C20orf203: variants seen among roughly 807,000 people sequenced by gnomAD.
The protein encoded by C20orf203 is uncharacterized protein C20orf203.
In C20orf203, 16 loss-of-function variants were observed where a neutral mutation model predicts 15.9. The ratio of observed to expected loss-of-function variants is 1.01; its 90% CI spans 0.68 to 1.53. The LOEUF (loss-of-function observed/expected upper bound fraction) is 1.53. Among genes scored for constraint, C20orf203 ranks in the 40% most tolerant of loss-of-function variants. The pLI, the probability that C20orf203 is intolerant of heterozygous loss-of-function variation, is 0.00. For missense variants in C20orf203, 263 were observed against 247.5 expected (o/e 1.06, Z -0.42); for synonymous variants, 98 against 97.2 (o/e 1.01, Z -0.05).
chr20:32,648,379 C>G (rs181246389), intron 4 of C20orf203, among the ~76,000 whole-genome samples: 4 of 150,078 alleles, frequency 2.7e-5, no homozygotes, highest in Non-Finnish European at 4.4e-5. Context: ...CTCTCTGTCT[C>G]TTGCCCCTGA....
At chr20:32,666,454 G>A (rs1600941684) in intron 1 of C20orf203, among the ~76,000 whole-genome samples, 2 of 147,178 alleles carry the variant, frequency 1.4e-5, no homozygotes, top group African/African-American at 5.0e-5. Flanking sequence ...GCAACAAAGT[G>A]AGACTCTGTC....
intron 1 of C20orf203, among the ~76,000 whole-genome samples, chr20:32,664,001 T>C (rs1293014148): frequency 6.6e-6 from 1 of 152,242 alleles, no homozygotes; most frequent in Non-Finnish European, 1.5e-5. Context: ...CCATTTTCTT[T>C]GTTCCTTGTT....
At chr20:32,636,213 C>T (rs7268275) in intron 5 of C20orf203, among the ~76,000 whole-genome samples, 37,586 of 152,160 alleles carry the variant, frequency 0.25, 5,464 homozygotes, top group Middle Eastern at 0.35. Context: ...GGATTTATTT[C>T]TATTTGTTTC....
chr20:32,642,999 CA>C (rs1012049302), intron 4 of C20orf203, among the ~76,000 whole-genome samples: 2 of 152,184 alleles, frequency 1.3e-5, no homozygotes, highest in African/African-American at 4.8e-5. Flanking sequence ...CAGGAGGGCT[CA>C]CCCACAGGGC....
At chr20:32,673,198 T>C (rs961519637) in intron 1 of C20orf203, among the ~76,000 whole-genome samples, 11 of 152,038 alleles carry the variant, frequency 7.2e-5, no homozygotes, top group Admixed American at 6.5e-4. Context: ...CCAGGGCTGG[T>C]ACAAACGGCA....
Position 32,650,691 on chromosome 20 carries a change from C to G in C20orf203, c.326G>C (p.Gly109Ala). The G allele has an allele frequency of 6.5e-7, 1 of 1,548,764 alleles. No individual in the cohort carries two copies. The highest frequency in any genetic ancestry group is 8.7e-7 in the Non-Finnish European group (1 of 1,146,050). The change falls in exon 4 of 6, where the codon GGC becomes GCC. Residue 109 changes from glycine (G) to alanine (A), a missense_variant. Gly to Ala is a moderately conservative substitution (Grantham distance 60). Coordinates refer to ENST00000608990, the MANE Select transcript of C20orf203 (RefSeq NM_182584.4). Reference protein sequence around the residue: ...VGGEGWGEVGGLRLSKVGRRD... With the variant: ...VGGEGWGEVGALRLSKVGRRD... ...CCGACCCACCTTGCTGAGCCTGAGG[C>G]CTCCAACTTCCCCCCACCCCTCCCC...
chr20:32,660,209 T>TG (rs1982859623), intron 1 of C20orf203, among the ~76,000 whole-genome samples: 1 of 152,028 alleles, frequency 6.6e-6, no homozygotes, highest in Non-Finnish European at 1.5e-5. Flanking sequence ...GCAGGGAGGT[T>TG]GGGGGGCAGC....
intron 1 of C20orf203, among the ~76,000 whole-genome samples, chr20:32,663,485 C>CAT (rs1250612427): frequency 1.3e-5 from 2 of 152,128 alleles, no homozygotes; most frequent in East Asian, 3.9e-4. Flanking sequence ...CACATATATA[C>CAT]ATATATATAT....
chr20:32,653,058 C>T (rs1183977710), intron 1 of C20orf203, among the ~76,000 whole-genome samples: 1 of 152,168 alleles, frequency 6.6e-6, no homozygotes, highest in Non-Finnish European at 1.5e-5. Context: ...CTCCCCAGGG[C>T]ACCCTGCACC....
At chr20:32,652,322 CAAAAAAAAAAAAA>C (rs11483593) in intron 1 of C20orf203, among the ~76,000 whole-genome samples, 2 of 18,252 alleles carry the variant, frequency 1.1e-4, no homozygotes, top group South Asian at 3.3e-3. Context: ...GACTCCATCT[CAAAAAAAAAAAAA>C]AAAAAAAAAA....
chr20:32,667,898 T>C (rs914421310), intron 1 of C20orf203, among the ~76,000 whole-genome samples: 3 of 152,184 alleles, frequency 2.0e-5, no homozygotes, highest in Non-Finnish European at 2.9e-5. Flanking sequence ...CTCGATCTCC[T>C]GACCTCGTGA....
chr20:32,657,913 T>C (rs1424523345), intron 1 of C20orf203: 1 of 150,982 alleles, frequency 6.6e-6, no homozygotes, highest in Non-Finnish European at 1.5e-5. Context: ...TCAGCTGAGA[T>C]TGCGCCACTG....
chr20:32,635,682 G>A (rs545331386), intron 5 of C20orf203, among the ~76,000 whole-genome samples: 2 of 146,918 alleles, frequency 1.4e-5, no homozygotes, highest in African/African-American at 5.1e-5. Flanking sequence ...ATGGTGGTGT[G>A]TGCCTGTAGT....
At chr20:32,654,042 A>C (rs1410432062) in intron 1 of C20orf203, among the ~76,000 whole-genome samples, 1 of 151,878 alleles carries the variant, frequency 6.6e-6, no homozygotes, top group Non-Finnish European at 1.5e-5. Flanking sequence ...GCAGTGAGCC[A>C]AGATCACGCC....
intron 1 of C20orf203, among the ~76,000 whole-genome samples, chr20:32,656,374 T>TA (rs968890245): frequency 2.6e-5 from 4 of 152,038 alleles, no homozygotes; most frequent in African/African-American, 9.7e-5. Flanking sequence ...TTAGTTATAA[T>TA]AAAAAAGACA....
chr20:32,650,208 C>CCAGCCTGGCA lies in C20orf203; in HGVS notation c.*214_*223dup. On this transcript the variant is annotated 3_prime_UTR_variant, in exon 4 of 6. Coordinates refer to ENST00000608990, the MANE Select transcript of C20orf203 (RefSeq NM_182584.4). Reference sequence around the variant, plus strand: ...TGTCCGGCCGGGGTTCTACCCAGAGCCAGCCTGGCACAGCCTCGGTCCCTA... The same window carrying CCAGCCTGGCA: ...TGTCCGGCCGGGGTTCTACCCAGAGCCAGCCTGGCACAGCCTGGCACAGCCTCGGTCCCTA... 1.8e-6 allele frequency: 1 copy of CCAGCCTGGCA among 549,934 alleles called. No individual in the cohort carries two copies. The allele number at this position is 549,934 out of a possible 1,614,324, so 34.1% of individuals were successfully genotyped here. A position where few individuals can be genotyped will look rare whatever the true frequency, so the allele number is the denominator to read the frequency against.
At chr20:32,664,429 C>T (rs746983987) in intron 1 of C20orf203, among the ~76,000 whole-genome samples, 10 of 152,236 alleles carry the variant, frequency 6.6e-5, no homozygotes, top group Non-Finnish European at 1.5e-4. Context: ...AGTTTAAGAA[C>T]ACTGCCCTCA....
In C20orf203 at chr20:32,650,342, T is replaced by G; in HGVS notation, c.*90A>C. On this transcript the variant is annotated 3_prime_UTR_variant, in exon 4 of 6. Transcript: ENST00000608990. ...CCCACTCTGGGGAGCAGAATGATTG[T>G]GGGGGGTGGTAACAGGGGACACCCT... is the stretch of plus-strand genomic sequence containing the variant. The G allele has an allele frequency of 1.1e-6, 1 of 903,624 alleles. No homozygotes were observed. Among genetic ancestry groups the G allele is most frequent in the Non-Finnish European group, 1.7e-6 (1 of 582,994 alleles). The allele number at this position is 903,624 out of a possible 1,614,324, so 56.0% of individuals were successfully genotyped here.
At chr20:32,653,511 G>T (rs1362952776) in intron 1 of C20orf203, among the ~76,000 whole-genome samples, 1 of 152,090 alleles carries the variant, frequency 6.6e-6, no homozygotes, top group Non-Finnish European at 1.5e-5. Context: ...AGGGATGGGG[G>T]ACTAGGCCTC....
Sources: gnomAD v4.1 joint callset for allele counts (sites outside exome capture counted in the v4.1 genomes callset) on GRCh38, gnomAD v4.1.1 for gene constraint, MANE v1.5 for transcripts, NCBI Gene and HGNC (gene_info 2026-07-23, HGNC 2026-07-21) for gene names.